GRID1: variants seen among roughly 807,000 people sequenced by gnomAD.
GRID1 encodes glutamate receptor ionotropic, delta-1.
In GRID1, 28 loss-of-function variants were observed where a neutral mutation model predicts 98.0. The ratio of observed to expected loss-of-function variants is 0.29; its 90% CI spans 0.21 to 0.39. The LOEUF is 0.39. Among genes scored for constraint, GRID1 ranks in the 10% least tolerant of loss-of-function variants. The pLI is 1.00. For missense variants in GRID1, 1,111 were observed against 1,340.5 expected, an observed-to-expected ratio of 0.83 and a Z score of 2.67; for synonymous variants, 553 against 538.5, an observed-to-expected ratio of 1.03 and a Z score of -0.37.
At chr10:85,927,863 C>T (rs117246852) in intron 4 of GRID1, among the ~76,000 whole-genome samples, 293 of 152,204 alleles carry the variant, frequency 1.9e-3, no homozygotes, top group Non-Finnish European at 2.1e-3. Flanking sequence ...CAAGCGAGAG[C>T]ATTTTAAAAA....
intron 8 of GRID1, among the ~76,000 whole-genome samples, chr10:85,751,122 T>G (rs563805193): frequency 6.7e-4 from 102 of 152,214 alleles, no homozygotes; most frequent in African/African-American, 2.2e-3. Context: ...ATTCTTGCAA[T>G]CTCAGGAGAG....
intron 8 of GRID1, among the ~76,000 whole-genome samples, chr10:85,832,881 G>T (rs1022096197): frequency 1.3e-5 from 2 of 152,066 alleles, no homozygotes; most frequent in Non-Finnish European, 2.9e-5. Flanking sequence ...AAATGGCCCA[G>T]CCCTAGAAGC....
At chr10:85,819,443 A>G (rs1463086587) in intron 8 of GRID1, among the ~76,000 whole-genome samples, 1 of 152,166 alleles carries the variant, frequency 6.6e-6, no homozygotes, top group African/African-American at 2.4e-5. Context: ...CTTCTAATAA[A>G]TATCATATGA....
chr10:85,918,923 G>A (rs375326813), intron 4 of GRID1, among the ~76,000 whole-genome samples: 8 of 152,274 alleles, frequency 5.3e-5, no homozygotes, highest in South Asian at 2.1e-4. Flanking sequence ...TCTCCAGTCC[G>A]GCTGTGTTTA....
At chr10:86,213,796 A>T (rs74149228) in intron 2 of GRID1, among the ~76,000 whole-genome samples, 2,966 of 151,608 alleles carry the variant, frequency 0.02, 84 homozygotes, top group East Asian at 0.097. Flanking sequence ...GGCAGCTCAA[A>T]CTTGATGCAT....
intron 4 of GRID1, among the ~76,000 whole-genome samples, chr10:86,094,705 G>A (rs1181873218): frequency 6.6e-6 from 1 of 151,962 alleles, no homozygotes; most frequent in African/African-American, 2.4e-5. Context: ...ACAAACAAAT[G>A]GAAAAACATC....
intron 4 of GRID1, among the ~76,000 whole-genome samples, chr10:85,951,468 T>C (rs1842125149): frequency 6.6e-6 from 1 of 152,146 alleles, no homozygotes; most frequent in Admixed American, 6.5e-5. Flanking sequence ...TGGGGTTTCT[T>C]TCACATACAA....
intron 4 of GRID1, among the ~76,000 whole-genome samples, chr10:85,965,287 T>C (rs1484282581): frequency 6.6e-6 from 1 of 152,194 alleles, no homozygotes; most frequent in African/African-American, 2.4e-5. Flanking sequence ...CATTACTGGG[T>C]ATATACCCAA....
At chr10:86,150,095 T>C (rs1237033034) in intron 3 of GRID1, among the ~76,000 whole-genome samples, 1 of 152,248 alleles carries the variant, frequency 6.6e-6, no homozygotes. Flanking sequence ...TTTGCAGGGA[T>C]GGTTTTCAGA....
chr10:85,711,187 C>T (rs193023438), intron 12 of GRID1, among the ~76,000 whole-genome samples: 7 of 152,030 alleles, frequency 4.6e-5, no homozygotes, highest in East Asian at 1.9e-4. Flanking sequence ...ATGTTTATAA[C>T]GGCAGTATTT....
chr10:86,001,213 G>T (rs1249478984), intron 4 of GRID1, among the ~76,000 whole-genome samples: 1 of 152,164 alleles, frequency 6.6e-6, no homozygotes, highest in African/African-American at 2.4e-5. Flanking sequence ...TCACTGTAAA[G>T]GGATAATATA....
At chr10:85,968,408 G>A (rs368912959) in intron 4 of GRID1, among the ~76,000 whole-genome samples, 8 of 135,594 alleles carry the variant, frequency 5.9e-5, no homozygotes, top group South Asian at 2.3e-4. Context: ...CCGGGATCGC[G>A]CCACTGCACT....
At chr10:85,943,495 C>T (rs1349771463) in intron 4 of GRID1, among the ~76,000 whole-genome samples, 1 of 151,996 alleles carries the variant, frequency 6.6e-6, no homozygotes, top group African/African-American at 2.4e-5. Context: ...TACCATAAAG[C>T]AAAAAGATAA....
intron 12 of GRID1, among the ~76,000 whole-genome samples, chr10:85,711,489 G>A (rs1264365028): frequency 3.3e-5 from 5 of 151,870 alleles, no homozygotes; most frequent in Admixed American, 6.6e-5. Context: ...TGGGAAATTA[G>A]TTCTTTCATA....
Position 86,330,998 on chromosome 10 carries a change from G to A in GRID1, c.235+32943C>T, listed in dbSNP as rs554605057. On this transcript the variant is annotated intron_variant, in intron 2 of 15. Transcript: ENST00000327946. ...AAGGAAGGAACAGGAAGGGCAGGCT[G>A]CATGCCCCAGGCCTCCCCAGGAACA... Among the ~76,000 whole-genome samples, 9 of 152,268 alleles carry A rather than the reference G, an allele frequency of 5.9e-5. No homozygotes were observed. The East Asian group carries it at 1.7e-3, about 29-fold the overall frequency.
At position 86,249,605 on chromosome 10, in the gene GRID1, AC is replaced by A. The variant is rs1290864744; in HGVS notation, c.236-42958del. 2.7e-5 allele frequency among the ~76,000 whole-genome samples: 4 copies of A among 147,202 alleles called. No homozygotes were observed. In the South Asian group the frequency reaches 6.6e-4, roughly 24 times the overall value. On this transcript the variant is annotated intron_variant, in intron 2 of 15. Transcript: ENST00000327946. ...CACACCCCGACTCACCTCCATTTCT[AC>A]CCCCCCACACCCTCCCCCACAACAG... is the stretch of plus-strand genomic sequence containing the variant.
rs539621289 is a variant in GRID1 at position 85,882,283 on chromosome 10, A to T, written c.781-13103T>A. 6.9e-4 allele frequency among the ~76,000 whole-genome samples: 105 copies of T among 152,338 alleles called. 1 individual carries two copies. Among genetic ancestry groups the T allele is most frequent in the African/African-American group, 2.5e-3 (104 of 41,564 alleles). On this transcript the variant is annotated intron_variant, in intron 5 of 15. Transcript: ENST00000327946. ...CCATCCCATTACTGGATATATACCC[A>T]AAGGATTATAAATCATGCTGCTATA...
chr10:85,651,493 C>G (rs964380869), intron 12 of GRID1, among the ~76,000 whole-genome samples: 1 of 152,200 alleles, frequency 6.6e-6, no homozygotes, highest in African/African-American at 2.4e-5. Flanking sequence ...AAATGCTCCC[C>G]CATCAGCCCC....
chr10:86,272,289 A>G (rs1303907971), intron 2 of GRID1, among the ~76,000 whole-genome samples: 1 of 152,236 alleles, frequency 6.6e-6, no homozygotes, highest in East Asian at 1.9e-4. Context: ...AGAAACTGCC[A>G]GAGCCAACTT....
Sources: gnomAD v4.1 joint callset for allele counts (sites outside exome capture counted in the v4.1 genomes callset) on GRCh38, gnomAD v4.1.1 for gene constraint, MANE v1.5 for transcripts, NCBI Gene and HGNC (gene_info 2026-07-23, HGNC 2026-07-21) for gene names.